BRD10: variants seen among roughly 807,000 people sequenced by gnomAD.
BRD10 encodes bromodomain containing 10.
chr9:5,954,025 T>G, the BRD10 span: 1 of 1,558,176 alleles, frequency 6.4e-7, no homozygotes, highest in Non-Finnish European at 8.7e-7. Context: ...CCTGAAACTC[T>G]GGTACAGTAG....
chr9:5,935,520 T>C, the BRD10 span, among the ~76,000 whole-genome samples: 3 of 152,216 alleles, frequency 2.0e-5, no homozygotes, highest in African/African-American at 7.2e-5. Flanking sequence ...AACCGTGGAC[T>C]AGAAATTAAC....
chr9:5,930,372 TATA>T, the BRD10 span, among the ~76,000 whole-genome samples: 1 of 25,428 alleles, frequency 3.9e-5, no homozygotes, highest in Non-Finnish European at 1.8e-4. Context: ...AAGGAGATTA[TATA>T]TATATATATA....
chr9:5,960,574 A>C, the BRD10 span, among the ~76,000 whole-genome samples: 3 of 152,000 alleles, frequency 2.0e-5, no homozygotes, highest in African/African-American at 7.2e-5. Flanking sequence ...AAAAAAAAAA[A>C]AAAGAAAAGA....
chr9:5,954,126 A>T, the BRD10 span: 10 of 1,234,020 alleles, frequency 8.1e-6, no homozygotes, highest in Non-Finnish European at 1.2e-5. Flanking sequence ...AACCTTCATA[A>T]TGCTGTTTAT....
the BRD10 span, among the ~76,000 whole-genome samples, chr9:5,884,135 T>C: frequency 6.6e-6 from 1 of 152,222 alleles, no homozygotes; most frequent in Non-Finnish European, 1.5e-5. Flanking sequence ...AGGTATAAGC[T>C]GCTGCTTCTA....
chr9:6,004,962 TA>T, the BRD10 span, among the ~76,000 whole-genome samples: 1 of 152,212 alleles, frequency 6.6e-6, no homozygotes, highest in Admixed American at 6.5e-5. Context: ...ACTCCAACTT[TA>T]ATTAACTATT....
At chr9:5,988,338 C>A in the BRD10 span, 2 of 1,598,618 alleles carry the variant, frequency 1.3e-6, no homozygotes. Flanking sequence ...TTTTTCTTAA[C>A]ATTTACCTTT....
At chr9:5,941,311 A>G in the BRD10 span, among the ~76,000 whole-genome samples, 16 of 152,270 alleles carry the variant, frequency 1.1e-4, no homozygotes, top group Admixed American at 2.0e-4. Flanking sequence ...CAAAATGCAA[A>G]TTTTATCTGC....
chr9:5,885,123 C>T, the BRD10 span, among the ~76,000 whole-genome samples: 80 of 152,320 alleles, frequency 5.3e-4, no homozygotes, highest in African/African-American at 1.8e-3. Flanking sequence ...CTAGCCATGC[C>T]TCGATTCTAT....
At chr9:5,926,632 T>C in the BRD10 span, among the ~76,000 whole-genome samples, 9 of 151,458 alleles carry the variant, frequency 5.9e-5, no homozygotes, top group Non-Finnish European at 5.9e-5. Context: ...CCTGGGTTCA[T>C]GCCATTCTCC....
the BRD10 span, among the ~76,000 whole-genome samples, chr9:6,006,718 G>A: frequency 6.6e-6 from 1 of 152,296 alleles, no homozygotes; most frequent in African/African-American, 2.4e-5. Context: ...ATAAATCTTC[G>A]ATGACCGACA....
At chr9:6,007,719 G>A in the BRD10 span, 2 of 1,597,598 alleles carry the variant, frequency 1.3e-6, no homozygotes, top group South Asian at 1.1e-5. Flanking sequence ...CCTCTCCTTC[G>A]GCCGCCGGTG....
At chr9:5,882,962 G>C in the BRD10 span, among the ~76,000 whole-genome samples, 2 of 152,096 alleles carry the variant, frequency 1.3e-5, no homozygotes, top group African/African-American at 4.8e-5. Context: ...TGAACAATGA[G>C]AACACTTGGA....
chr9:5,985,667 C>A, the BRD10 span, among the ~76,000 whole-genome samples: 1 of 152,040 alleles, frequency 6.6e-6, no homozygotes, highest in East Asian at 1.9e-4. Flanking sequence ...TGCCTGTGAT[C>A]CCAGCTACTC....
the BRD10 span, among the ~76,000 whole-genome samples, chr9:5,962,197 T>C: frequency 6.6e-6 from 1 of 151,316 alleles, no homozygotes; most frequent in Non-Finnish European, 1.5e-5. Context: ...AAGAATCAAA[T>C]AGACACAATA....
At chr9:5,897,691 C>A in the BRD10 span, 2 of 1,533,920 alleles carry the variant, frequency 1.3e-6, no homozygotes, top group East Asian at 4.5e-5. Context: ...CCTCCAAGTC[C>A]AGGGCCCTCT....
the BRD10 span, among the ~76,000 whole-genome samples, chr9:5,885,291 G>A: frequency 1.8e-3 from 273 of 152,270 alleles, no homozygotes; most frequent in African/African-American, 6.4e-3. Flanking sequence ...CGAACTGTTT[G>A]TACATTCACA....
At chr9:5,954,365 C>T in the BRD10 span, among the ~76,000 whole-genome samples, 2 of 152,118 alleles carry the variant, frequency 1.3e-5, no homozygotes, top group African/African-American at 4.8e-5. Context: ...GAATCTACTG[C>T]AAGATTAGGC....
At chr9:5,925,692 A>T in the BRD10 span, among the ~76,000 whole-genome samples, 10 of 152,316 alleles carry the variant, frequency 6.6e-5, no homozygotes, top group East Asian at 3.9e-4. Flanking sequence ...GAAATATTTT[A>T]AAAAATTATG....
Sources: allele counts gnomAD v4.1 joint callset (sites outside exome capture counted in the v4.1 genomes callset), GRCh38; gene constraint gnomAD v4.1.1; transcripts MANE v1.5; gene names NCBI Gene and HGNC (gene_info 2026-07-23, HGNC 2026-07-21).